Variants in XAGE5 observed in about 807,000 individuals in gnomAD.
XAGE5 encodes G antigen, family D, 5.
A neutral mutation model predicts 13.1 loss-of-function variants in XAGE5; 13 were observed. That is an observed-to-expected ratio of 0.99 (90% CI 0.64 to 1.57). XAGE5 has a LOEUF of 1.57. XAGE5 is among the 40% of genes most tolerant of loss of function. XAGE5 has a pLI of 0.00. For missense variants in XAGE5, 86 were observed against 77.6 expected (o/e 1.11, Z -0.41); for synonymous variants, 17 against 25.0 (o/e 0.68, Z 0.96).
In XAGE5 at chrX:52,812,560, C is replaced by T; in HGVS notation, c.-7C>T. 3.3e-6 allele frequency: 4 copies of T among 1,209,929 alleles called. No homozygotes were observed. The highest frequency in any genetic ancestry group is 4.5e-6 in the Non-Finnish European group (4 of 894,266). The stretch of plus-strand genomic sequence containing the variant: ...AAGTGCACACTATTCTGTTTGCAGA[C>T]TGAAATATGAGTTGGCGAGGAAGAA... On this transcript the variant is annotated splice_region_variant and 5_prime_UTR_variant, in exon 3 of 6. Coordinates refer to ENST00000375501, the MANE Select transcript of XAGE5 (RefSeq NM_001386970.1).
chrX:52,814,309 C>T (rs1926862079), intron 4 of XAGE5: 3 of 320,129 alleles, frequency 9.4e-6, no homozygotes, highest in Admixed American at 3.2e-5. Context: ...CAGCATGTTT[C>T]GTAAAAGGTG....
intron 4 of XAGE5, chrX:52,814,217 G>A (rs782206567): frequency 3.7e-4 from 120 of 328,678 alleles, no homozygotes; most frequent in South Asian, 1.6e-3. Flanking sequence ...AGGACAAAAC[G>A]CAGTTCAGTG....
In XAGE5 at chrX:52,815,125, C is replaced by G. The variant is rs1450711322; in HGVS notation, c.212C>G (p.Ser71Cys). 1.5e-5 allele frequency: 18 copies of G among 1,211,460 alleles called. No individual in the cohort carries two copies. The highest frequency in any genetic ancestry group is 1.9e-5 in the Non-Finnish European group (17 of 895,238). ...PNLEADLQEL[S>C]QSKTGDECGD... is the part of the protein sequence containing the mutation. ...CTGGAAGCTGATCTCCAGGAGCTGT[C>G]TCAGTCAAAGACTGGGGATGAATGC... The change falls in exon 5 of 6, where the codon TCT becomes TGT. Residue 71 changes from serine to cysteine, a missense_variant. Ser to Cys is a moderately radical substitution (Grantham distance 112, BLOSUM62 -1). Coordinates refer to ENST00000375501, the MANE Select transcript of XAGE5 (RefSeq NM_001386970.1).
In XAGE5 at chrX:52,812,656, C is replaced by A; in HGVS notation, c.72+18C>A. ...CTATGCTTGTGAGTGACTTCACATT[C>A]GATTTTTTTCTACTAGCAGAAATTT... On this transcript the variant is annotated intron_variant, in intron 3 of 5. Coordinates refer to ENST00000375501, the MANE Select transcript of XAGE5 (RefSeq NM_001386970.1). 8.3e-7 allele frequency: 1 copy of A among 1,205,713 alleles called. No homozygotes were observed. Among genetic ancestry groups the A allele is most frequent in the Non-Finnish European group, 1.1e-6 (1 of 890,745 alleles).
intron 2 of XAGE5, 198 bp from the exon 3 acceptor site, chrX:52,812,361 C>T (rs1926814566): frequency 2.8e-6 from 1 of 354,241 alleles, no homozygotes; most frequent in Non-Finnish European, 4.9e-6. Flanking sequence ...GCAACATTCG[C>T]CCCCCGGTTC....
chrX:52,814,476 TAATCA>T (rs1926865494), intron 4 of XAGE5: 1 of 197,823 alleles, frequency 5.1e-6, no homozygotes, highest in Admixed American at 6.2e-5. Context: ...ATTTTCAAAC[TAATCA>T]GAGACAGAAT....
At chrX:52,814,332 T>A (rs1926862385) in intron 4 of XAGE5, 1 of 298,558 alleles carries the variant, frequency 3.3e-6, no homozygotes, top group South Asian at 3.3e-5. Flanking sequence ...TAATTCAGGA[T>A]GTTGGCGTGC....
chrX:52,812,797 A>G (rs184400457), intron 3 of XAGE5, among the ~76,000 whole-genome samples, 159 bp downstream of exon 3: 1 of 111,527 alleles, frequency 9.0e-6, no homozygotes, highest in Non-Finnish European at 1.9e-5. Flanking sequence ...AAGACTACAT[A>G]CTGTTTTTGC....
rs890670661 is a variant in XAGE5 at position 52,811,306 on chromosome X, C to G, written c.-287C>G. ...CACCTTGCCATTGGCCCTTCGCCCA[C>G]CCGGGAGCTGTGATCCTGCACTTCG... On this transcript the variant is annotated 5_prime_UTR_variant, in exon 1 of 6. Coordinates refer to ENST00000375501, the MANE Select transcript of XAGE5 (RefSeq NM_001386970.1). Among the ~76,000 whole-genome samples the G allele has an allele frequency of 9.0e-6, 1 of 111,610 alleles. No homozygotes were observed. Among genetic ancestry groups the G allele is most frequent in the Non-Finnish European group, 1.9e-5 (1 of 53,048 alleles).
chrX:52,815,969 T>C (rs1556778070), intron 5 of XAGE5, among the ~76,000 whole-genome samples: 1 of 112,028 alleles, frequency 8.9e-6, no homozygotes, highest in Non-Finnish European at 1.9e-5. Context: ...TTTGTTTTTT[T>C]CGGACGAGGT....
intron 5 of XAGE5, among the ~76,000 whole-genome samples, chrX:52,816,518 A>G (rs59731051): frequency 0.091 from 10,171 of 111,835 alleles, 1,104 homozygotes; most frequent in African/African-American, 0.31. Context: ...TAAACATATC[A>G]GAGGTTATAT....
At chrX:52,816,772 G>A (rs1471571484) in intron 5 of XAGE5, among the ~76,000 whole-genome samples, 2 of 111,841 alleles carry the variant, frequency 1.8e-5, no homozygotes, top group Non-Finnish European at 3.8e-5. Flanking sequence ...GTTTGTAGAC[G>A]ATTTCCAGGA....
intron 4 of XAGE5, chrX:52,814,818 A>C (rs782701284): frequency 7.5e-6 from 2 of 267,954 alleles, no homozygotes; most frequent in Admixed American, 1.2e-4. Flanking sequence ...CATTTAAGTT[A>C]TGATTAAAAT....
chrX:52,813,272 CTA>C, intron 4 of XAGE5, 27 bp downstream of exon 4: 1 of 1,176,413 alleles, frequency 8.5e-7, no homozygotes, highest in Non-Finnish European at 1.2e-6. Context: ...GAAGGAATGT[CTA>C]TGGGGGGAGG....
intron 2 of XAGE5, among the ~76,000 whole-genome samples, 188 bp downstream of exon 2, chrX:52,811,907 G>T (rs1036753406): frequency 9.0e-6 from 1 of 111,254 alleles, no homozygotes; most frequent in East Asian, 2.8e-4. Context: ...TCGATTTTAG[G>T]GGGGAAACGG....
At chrX:52,816,279 A>G (rs1283299394) in intron 5 of XAGE5, among the ~76,000 whole-genome samples, 4 of 112,266 alleles carry the variant, frequency 3.6e-5, no homozygotes, top group African/African-American at 1.3e-4. Flanking sequence ...CCTACTGGAC[A>G]TTCAGACCAT....
At position 52,814,087 on chromosome X, in the gene XAGE5, A is replaced by G. The variant is rs374037332; in HGVS notation, c.178+842A>G. The G allele has an allele frequency of 2.4e-4, 57 of 236,517 alleles. 2 individuals are homozygous for G. In the South Asian group the frequency reaches 2.6e-3, roughly 11 times the overall value. 19.5% of individuals were successfully genotyped at this position (236,517 alleles called of 1,213,427 possible). A position where few individuals can be genotyped will look rare whatever the true frequency, so the allele number is the denominator to read the frequency against. The stretch of plus-strand genomic sequence containing the variant: ...AACTTGACTCATGGAGAAGGAATTC[A>G]TATTTTGTTCCAAGGTGTGCATTCT... On this transcript the variant is annotated intron_variant, in intron 4 of 5. Transcript: ENST00000375501.
chrX:52,813,143 C>T lies in XAGE5; in HGVS notation c.76C>T (p.Pro26Ser). 8.3e-7 allele frequency: 1 copy of T among 1,210,109 alleles called. No homozygotes were observed. The highest frequency in any genetic ancestry group is 1.8e-5 in the South Asian group (1 of 56,889). Residue 26 changes from proline to serine, a missense_variant, in exon 4 of 6, where the codon CCC (proline) becomes TCC (serine). By Grantham distance (74) the Pro-to-Ser change is moderately conservative (BLOSUM62 -1). Coordinates refer to ENST00000375501, the MANE Select transcript of XAGE5 (RefSeq NM_001386970.1). ...LAQLVGPMLEPSVPEPQQEEP... is the reference protein window; with the variant it reads ...LAQLVGPMLESSVPEPQQEEP... ...ACCACCCCCGCCCTTGTCCCAGGAG[C>T]CCAGTGTGCCAGAGCCTCAACAAGA... is the stretch of plus-strand genomic sequence containing the variant.
rs62597250 is a variant in XAGE5 at position 52,818,149 on chromosome X, G to A, written c.305-42G>A. The A allele has an allele frequency of 6.2e-3, 7,412 of 1,204,825 alleles. 18 individuals are homozygous for A. The highest frequency in any genetic ancestry group is 0.011 in the Middle Eastern group (46 of 4,333). ...ATACCTTTAATTTCATCTGAATACA[G>A]TTCTGCTAGTAATGTTCCCTCCTGT... On this transcript the variant is annotated intron_variant, in intron 5 of 5. Coordinates refer to ENST00000375501, the MANE Select transcript of XAGE5 (RefSeq NM_001386970.1).
Sources: allele counts gnomAD v4.1 joint callset (sites outside exome capture counted in the v4.1 genomes callset), GRCh38; gene constraint gnomAD v4.1.1; transcripts MANE v1.5; gene names NCBI Gene and HGNC (gene_info 2026-07-23, HGNC 2026-07-21).